TRPC4: variants seen among roughly 807,000 people sequenced by gnomAD.
TRPC4 encodes the protein short transient receptor potential channel 4.
Under a neutral mutation model 99.4 loss-of-function variants are expected in TRPC4, and 49 were observed. The ratio of observed to expected loss-of-function variants is 0.49; its 90% CI spans 0.39 to 0.63. The LOEUF (loss-of-function observed/expected upper bound fraction) is 0.63, where lower values mean the gene tolerates loss of function less well. TRPC4 is among the 20% of genes least tolerant of loss of function. TRPC4 has a pLI of 0.00. For synonymous variants in TRPC4, 454 were observed against 425.9 expected (o/e 1.07, Z -0.81); for missense variants, 898 against 1,152.9 (o/e 0.78, Z 3.20).
rs1238731535 is a variant in TRPC4, at chr13:37,634,699, A to T, written c.*2204T>A. ...TCCTTACTTTGGGAAAAAACAAAAT[A>T]AAACAACAACGCACAAGAGAGGCAA... On this transcript the variant is annotated 3_prime_UTR_variant, in exon 11 of 11. Transcript: ENST00000379705. Among the ~76,000 whole-genome samples the T allele has an allele frequency of 1.3e-5, 2 of 152,136 alleles. No homozygotes were observed. The highest frequency in any genetic ancestry group is 2.9e-5 in the Non-Finnish European group (2 of 68,012).
Position 37,812,695 on chromosome 13 carries a change from A to G in TRPC4, c.-27-29335T>C, listed in dbSNP as rs1374595777. ...TCTTGAGAGAGAGAAGGTTAAAAAT[A>G]TTTGAAAAATAATGAAAAAGATGTT... On this transcript the variant is annotated intron_variant, in intron 1 of 10. Coordinates refer to ENST00000379705, the MANE Select transcript of TRPC4 (RefSeq NM_016179.4). Among the ~76,000 whole-genome samples, 5 of 152,220 alleles carry G rather than the reference A, an allele frequency of 3.3e-5. No homozygotes were observed. In the East Asian group the frequency reaches 9.7e-4, roughly 29 times the overall value.
chr13:37,827,456 G>T (rs1333559304), intron 1 of TRPC4, among the ~76,000 whole-genome samples: 1 of 152,020 alleles, frequency 6.6e-6, no homozygotes, highest in African/African-American at 2.4e-5. Flanking sequence ...TTTTGGTGTG[G>T]GTGTCCTTTC....
intron 3 of TRPC4, among the ~76,000 whole-genome samples, chr13:37,728,521 G>A (rs985459254): frequency 6.6e-6 from 1 of 151,950 alleles, no homozygotes; most frequent in African/African-American, 2.4e-5. Context: ...CATTGGTGGA[G>A]GAAATTAAAG....
In TRPC4 at chr13:37,633,373, T is replaced by C. The variant is rs936156393; in HGVS notation, c.*3530A>G. Reference sequence around the variant, plus strand: ...GCATGGAAGGCAGCTGTATACACCATAGAAGACAGCTAAAAATACAATGCA... The same window carrying C: ...GCATGGAAGGCAGCTGTATACACCACAGAAGACAGCTAAAAATACAATGCA... On this transcript the variant is annotated 3_prime_UTR_variant, in exon 11 of 11. Coordinates refer to ENST00000379705, the MANE Select transcript of TRPC4 (RefSeq NM_016179.4). Among the ~76,000 whole-genome samples, 2 of 152,108 alleles carry C rather than the reference T, an allele frequency of 1.3e-5. No individual in the cohort carries two copies. Among genetic ancestry groups the C allele is most frequent in the Non-Finnish European group, 2.9e-5 (2 of 68,018 alleles).
At position 37,850,493 on chromosome 13, in the gene TRPC4, C is replaced by G. The variant is rs190693879; in HGVS notation, c.-28+19102G>C. Among the ~76,000 whole-genome samples the G allele has an allele frequency of 2.9e-3, 437 of 152,252 alleles. 1 individual carries two copies. Among genetic ancestry groups the G allele is most frequent in the African/African-American group, 9.8e-3 (408 of 41,570 alleles). ...TATTACTTCTGTGACAATAAAAAAG[C>G]ACTGGCTAAAGATTCTAAAACATTT... On this transcript the variant is annotated intron_variant, in intron 1 of 10. Coordinates refer to ENST00000379705, the MANE Select transcript of TRPC4 (RefSeq NM_016179.4).
chr13:37,701,026 T>C lies in TRPC4; in HGVS notation c.898-8691A>G, dbSNP rs374461366. ...TCTATAATATACAGAGAAAAAGTTATGTGTTTTGGAAACAGCAGAGGCAAC... is the reference window on the plus strand; with the variant it reads ...TCTATAATATACAGAGAAAAAGTTACGTGTTTTGGAAACAGCAGAGGCAAC... On this transcript the variant is annotated intron_variant, in intron 3 of 10. Coordinates refer to ENST00000379705, the MANE Select transcript of TRPC4 (RefSeq NM_016179.4). 2.6e-4 allele frequency among the ~76,000 whole-genome samples: 39 copies of C among 152,250 alleles called. 1 individual carries two copies. The East Asian group carries it at 6.8e-3, about 26-fold the overall frequency.
intron 6 of TRPC4, 35 bp downstream of exon 6, chr13:37,663,381 A>ACAACATTAC: frequency 1.3e-6 from 2 of 1,571,234 alleles, no homozygotes; most frequent in Middle Eastern, 1.7e-4. Context: ...TAAATGCTGT[A>ACAACATTAC]CAACATTACC....
At chr13:37,764,813 C>CTT (rs71096806) in intron 2 of TRPC4, among the ~76,000 whole-genome samples, 1,374 of 129,350 alleles carry the variant, frequency 0.011, 12 homozygotes, top group Middle Eastern at 0.025. Context: ...TTATCAAATG[C>CTT]TTTTTTTTTT....
chr13:37,708,146 A>C (rs1387729938), intron 3 of TRPC4, among the ~76,000 whole-genome samples: 4 of 152,128 alleles, frequency 2.6e-5, no homozygotes, highest in African/African-American at 9.7e-5. Context: ...AGCAATAATA[A>C]ACATAATCCT....
At chr13:37,818,493 C>T (rs1957926333) in intron 1 of TRPC4, among the ~76,000 whole-genome samples, 1 of 152,106 alleles carries the variant, frequency 6.6e-6, no homozygotes, top group Non-Finnish European at 1.5e-5. Flanking sequence ...TATAAAGATA[C>T]ATGCACATGT....
At chr13:37,764,670 T>C (rs1956311064) in intron 2 of TRPC4, among the ~76,000 whole-genome samples, 1 of 151,402 alleles carries the variant, frequency 6.6e-6, no homozygotes, top group African/African-American at 2.4e-5. Flanking sequence ...CTTTTCAGAA[T>C]GATATAAACT....
intron 1 of TRPC4, among the ~76,000 whole-genome samples, chr13:37,863,788 A>G (rs2139729997): frequency 6.6e-6 from 1 of 151,776 alleles, no homozygotes; most frequent in Middle Eastern, 3.4e-3. Flanking sequence ...ATGATCAGCT[A>G]CTTGAATGAA....
chr13:37,842,206 G>A (rs1010144139), intron 1 of TRPC4, among the ~76,000 whole-genome samples: 2 of 149,496 alleles, frequency 1.3e-5, no homozygotes, highest in Non-Finnish European at 3.0e-5. Context: ...GGAGGCAGAG[G>A]TTGCAGTTAG....
At chr13:37,681,097 C>G (rs1221223908) in intron 4 of TRPC4, among the ~76,000 whole-genome samples, 1 of 152,190 alleles carries the variant, frequency 6.6e-6, no homozygotes, top group Non-Finnish European at 1.5e-5. Context: ...AAGTTATGAG[C>G]TCAGTACAAG....
chr13:37,729,764 A>T (rs993833692), intron 3 of TRPC4, among the ~76,000 whole-genome samples: 23 of 152,150 alleles, frequency 1.5e-4, no homozygotes, highest in African/African-American at 4.8e-4. Context: ...TTCCATTTTT[A>T]TGAGGTAATT....
rs568185524 is a variant in TRPC4, at chr13:37,658,092, A to G, written c.1689-2809T>C. On this transcript the variant is annotated intron_variant, in intron 6 of 10. Coordinates refer to ENST00000379705, the MANE Select transcript of TRPC4 (RefSeq NM_016179.4). ...TTTGTCATTAGTAATTCCCAAATCTATTGAGACCAACATTGCCCATACATT... is the reference window on the plus strand; with the variant it reads ...TTTGTCATTAGTAATTCCCAAATCTGTTGAGACCAACATTGCCCATACATT... Among the ~76,000 whole-genome samples, 34 of 152,314 alleles carry G rather than the reference A, an allele frequency of 2.2e-4. 1 individual carries two copies. The South Asian group carries it at 4.3e-3, about 19-fold the overall frequency.
At chr13:37,670,194 G>T (rs1224205519) in intron 5 of TRPC4, among the ~76,000 whole-genome samples, 1 of 152,070 alleles carries the variant, frequency 6.6e-6, no homozygotes, top group Admixed American at 6.5e-5. Context: ...AATTTCTGTT[G>T]TTTAAGCCAC....
At chr13:37,754,435 G>C (rs1956043524) in intron 2 of TRPC4, among the ~76,000 whole-genome samples, 1 of 152,030 alleles carries the variant, frequency 6.6e-6, no homozygotes, top group Non-Finnish European at 1.5e-5. Flanking sequence ...AAATCACACT[G>C]TGTTTTACTT....
At chr13:37,779,431 AAAC>A (rs1346740576) in intron 2 of TRPC4, among the ~76,000 whole-genome samples, 1 of 151,908 alleles carries the variant, frequency 6.6e-6, no homozygotes, top group Non-Finnish European at 1.5e-5. Flanking sequence ...TTAAAAAAAA[AAAC>A]CCAACTAAAT....
Sources: gnomAD v4.1 joint callset for allele counts (sites outside exome capture counted in the v4.1 genomes callset) on GRCh38, gnomAD v4.1.1 for gene constraint, MANE v1.5 for transcripts, NCBI Gene and HGNC (gene_info 2026-07-23, HGNC 2026-07-21) for gene names.